Variants in TSPAN9 observed in about 807,000 individuals in gnomAD.
TSPAN9 encodes tetraspanin-9.
In TSPAN9, 16 loss-of-function variants were observed where a neutral mutation model predicts 31.0. The ratio of observed to expected loss-of-function variants is 0.52; its 90% CI spans 0.35 to 0.78. TSPAN9 has a LOEUF of 0.78. Among genes scored for constraint, TSPAN9 ranks in the 30% least tolerant of loss-of-function variants. The pLI, the probability that TSPAN9 is intolerant of heterozygous loss-of-function variation, is 0.01. For missense variants in TSPAN9, 272 were observed against 312.5 expected (o/e 0.87, Z 0.98); for synonymous variants, 145 against 121.6 (o/e 1.19, Z -1.27).
rs1168446507 is a variant in TSPAN9 at position 3,201,136 on chromosome 12, C to T, written c.-17-41C>T. On this transcript the variant is annotated intron_variant, in intron 2 of 8. Transcript: ENST00000011898. Reference sequence around the variant, plus strand: ...GCAATGCACCCAAAGGCAGCAAGTACGTGGTGTTTTACCTGGACCTGTCCT... The same window carrying T: ...GCAATGCACCCAAAGGCAGCAAGTATGTGGTGTTTTACCTGGACCTGTCCT... 8.5e-6 allele frequency: 13 copies of T among 1,538,340 alleles called. No homozygotes were observed. The South Asian group carries it at 1.5e-4, about 17-fold the overall frequency.
chr12:3,209,818 G>A (rs192703581), intron 3 of TSPAN9, among the ~76,000 whole-genome samples: 1,951 of 152,164 alleles, frequency 0.013, 14 homozygotes, highest in South Asian at 0.039. Context: ...AATTAGCCGG[G>A]CGCGGTGGTG....
intron 3 of TSPAN9, among the ~76,000 whole-genome samples, chr12:3,247,599 G>A (rs1565630922): frequency 6.6e-6 from 1 of 152,166 alleles, no homozygotes; most frequent in Non-Finnish European, 1.5e-5. Context: ...CACTGAGTAG[G>A]TGTGACTTTG....
At chr12:3,206,441 C>A in intron 3 of TSPAN9, 1 of 442,618 alleles carries the variant, frequency 2.3e-6, no homozygotes, top group Non-Finnish European at 4.6e-6. Context: ...TAGGGTGAGG[C>A]AGCAGCAGGC....
At chr12:3,097,735 C>A (rs1388223562) in intron 2 of TSPAN9, among the ~76,000 whole-genome samples, 2 of 152,224 alleles carry the variant, frequency 1.3e-5, no homozygotes, top group African/African-American at 4.8e-5. Context: ...TGCCTGGTAA[C>A]AGCCATTGGC....
chr12:3,113,552 G>A (rs1242979893), intron 2 of TSPAN9, among the ~76,000 whole-genome samples: 2 of 152,196 alleles, frequency 1.3e-5, no homozygotes, highest in Non-Finnish European at 2.9e-5. Context: ...GTGATCAATA[G>A]ATACTTTTTT....
At chr12:3,142,903 G>A (rs1028862877) in intron 2 of TSPAN9, among the ~76,000 whole-genome samples, 2 of 152,160 alleles carry the variant, frequency 1.3e-5, no homozygotes, top group Admixed American at 6.5e-5. Context: ...CCTCCATTGC[G>A]TTGAGTTGTC....
chr12:3,158,077 T>C (rs1443156984), intron 2 of TSPAN9, among the ~76,000 whole-genome samples: 1 of 152,190 alleles, frequency 6.6e-6, no homozygotes, highest in African/African-American at 2.4e-5. Flanking sequence ...TTGGCGGCTT[T>C]TCAGTGCCTG....
intron 2 of TSPAN9, among the ~76,000 whole-genome samples, chr12:3,139,975 C>T (rs2098334010): frequency 6.6e-6 from 1 of 152,224 alleles, no homozygotes; most frequent in African/African-American, 2.4e-5. Context: ...CCAGCTGGTC[C>T]CTGGGCAGAT....
At chr12:3,255,113 G>A (rs975873165) in intron 3 of TSPAN9, among the ~76,000 whole-genome samples, 2 of 152,220 alleles carry the variant, frequency 1.3e-5, no homozygotes, top group African/African-American at 4.8e-5. Context: ...GCACAATCAG[G>A]AGAGACAATG....
chr12:3,184,156 G>A (rs543551874), intron 2 of TSPAN9, among the ~76,000 whole-genome samples: 4 of 152,210 alleles, frequency 2.6e-5, no homozygotes, highest in South Asian at 4.1e-4. Context: ...TTGGGGGGCC[G>A]AGGTGGGCAG....
intron 8 of TSPAN9, among the ~76,000 whole-genome samples, chr12:3,282,352 ATG>A (rs1406047666): frequency 6.6e-6 from 1 of 152,116 alleles, no homozygotes; most frequent in Admixed American, 6.5e-5. Context: ...ACATCGCACC[ATG>A]TGTTCCACAA....
intron 3 of TSPAN9, among the ~76,000 whole-genome samples, chr12:3,246,795 G>A (rs1862140197): frequency 6.6e-6 from 1 of 152,170 alleles, no homozygotes; most frequent in African/African-American, 2.4e-5. Flanking sequence ...CATCCCACCA[G>A]CCTGCCATCC....
intron 6 of TSPAN9, 94 bp from the exon 7 acceptor site, chr12:3,281,104 C>G (rs1045448640): frequency 6.6e-7 from 1 of 1,520,096 alleles, no homozygotes; most frequent in Non-Finnish European, 8.8e-7. Context: ...GCCACTTTTG[C>G]GGGGACTGGG....
At chr12:3,253,606 C>T (rs1160663005) in intron 3 of TSPAN9, among the ~76,000 whole-genome samples, 1 of 152,252 alleles carries the variant, frequency 6.6e-6, no homozygotes, top group East Asian at 1.9e-4. Context: ...TGATGAAGCT[C>T]AGAGAGCACA....
Position 3,187,186 on chromosome 12 carries a change from G to A in TSPAN9, c.-17-13991G>A, listed in dbSNP as rs555418137. On this transcript the variant is annotated intron_variant, in intron 2 of 8. Transcript: ENST00000011898. The surrounding 1 kb of genome is among the most constrained non-coding windows in gnomAD (Gnocchi z 5.2). ...TTGGCAGATCACCTGTGTTCATGCCGTGTGGTCAGAAAGAGCACAGGGGAC... is the reference window on the plus strand; with the variant it reads ...TTGGCAGATCACCTGTGTTCATGCCATGTGGTCAGAAAGAGCACAGGGGAC... 1.7e-4 allele frequency among the ~76,000 whole-genome samples: 26 copies of A among 152,290 alleles called. No individual in the cohort carries two copies. The highest frequency in any genetic ancestry group is 3.9e-4 in the African/African-American group (16 of 41,548).
chr12:3,085,709 A>G (rs1190915367), intron 2 of TSPAN9, among the ~76,000 whole-genome samples: 3 of 152,118 alleles, frequency 2.0e-5, no homozygotes, highest in South Asian at 4.1e-4. Context: ...CCCACTGCCA[A>G]GGTTCTTTCT....
At chr12:3,216,719 C>A (rs2098381618) in intron 3 of TSPAN9, among the ~76,000 whole-genome samples, 1 of 152,254 alleles carries the variant, frequency 6.6e-6, no homozygotes, top group African/African-American at 2.4e-5. Context: ...CAGATTCAGC[C>A]ATGTGGATCC....
At chr12:3,235,629 T>C (rs1003743481) in intron 3 of TSPAN9, among the ~76,000 whole-genome samples, 10 of 151,910 alleles carry the variant, frequency 6.6e-5, no homozygotes, top group Admixed American at 2.0e-4. Flanking sequence ...ACTGAGTAGG[T>C]TTGAATTTGG....
At chr12:3,234,421 C>T (rs2098392284) in intron 3 of TSPAN9, among the ~76,000 whole-genome samples, 1 of 152,184 alleles carries the variant, frequency 6.6e-6, no homozygotes, top group African/African-American at 2.4e-5. Flanking sequence ...TCATGACCCC[C>T]TCCCTCTGCT....
Sources: allele counts gnomAD v4.1 joint callset (sites outside exome capture counted in the v4.1 genomes callset), GRCh38; gene constraint gnomAD v4.1.1; non-coding constraint Gnocchi (gnomAD v3.1); transcripts MANE v1.5; gene names NCBI Gene and HGNC (gene_info 2026-07-23, HGNC 2026-07-21).